Variants in INPP5B observed in about 807,000 individuals in gnomAD.
INPP5B encodes type II inositol 1,4,5-trisphosphate 5-phosphatase.
In INPP5B, 90 loss-of-function variants were observed where a neutral mutation model predicts 118.5. That is an observed-to-expected ratio of 0.76 (90% CI 0.64 to 0.90). INPP5B has a LOEUF of 0.90. Among genes scored for constraint, INPP5B ranks in the 40% least tolerant of loss-of-function variants. INPP5B has a pLI of 0.00. For synonymous variants in INPP5B, 385 were observed against 418.9 expected (o/e 0.92, Z 0.99); for missense variants, 984 against 1,125.6 (o/e 0.87, Z 1.80).
At chr1:37,904,624 T>G (rs1468594985) in intron 7 of INPP5B, among the ~76,000 whole-genome samples, 2 of 152,180 alleles carry the variant, frequency 1.3e-5, no homozygotes, top group Non-Finnish European at 2.9e-5. Flanking sequence ...ATGTCTGTAA[T>G]CCCAGCACTT....
At chr1:37,911,956 T>C (rs1644714963) in intron 7 of INPP5B, among the ~76,000 whole-genome samples, 1 of 152,212 alleles carries the variant, frequency 6.6e-6, no homozygotes. Flanking sequence ...TTCTCAGAAT[T>C]AGAGCCTGTC....
intron 12 of INPP5B, among the ~76,000 whole-genome samples, chr1:37,886,284 A>AG (rs1643532149): frequency 6.6e-6 from 1 of 151,464 alleles, no homozygotes; most frequent in Non-Finnish European, 1.5e-5. Flanking sequence ...AAAAAAAAAA[A>AG]GAAGGCAGAA....
intron 16 of INPP5B, among the ~76,000 whole-genome samples, chr1:37,877,103 A>C (rs1642883028): frequency 6.6e-6 from 1 of 151,894 alleles, no homozygotes. Flanking sequence ...GCGGTGGCTC[A>C]TGCCTGTAAT....
Position 37,886,822 on chromosome 1 carries a change from C to T in INPP5B, c.1131+66G>A, listed in dbSNP as rs916277175. 5.4e-6 allele frequency: 6 copies of T among 1,114,124 alleles called. No individual in the cohort carries two copies. In the African/African-American group the frequency reaches 7.7e-5, roughly 14 times the overall value. 69.0% of individuals were successfully genotyped at this position (1,114,124 alleles called of 1,614,324 possible). ...GGGACACGTGTAGTCACTGTGTCAT[C>T]AGAAGTGGTCAATACCTCAGGAGCT... On this transcript the variant is annotated intron_variant, in intron 12 of 23. Transcript: ENST00000373024.
intron 7 of INPP5B, among the ~76,000 whole-genome samples, chr1:37,912,927 G>T (rs1644747705): frequency 6.9e-6 from 1 of 144,630 alleles, no homozygotes; most frequent in South Asian, 2.2e-4. Context: ...TAAAATCACA[G>T]AGGCCTCGAC....
chr1:37,924,760 C>T (rs1354506644), intron 7 of INPP5B, among the ~76,000 whole-genome samples: 2 of 151,554 alleles, frequency 1.3e-5, no homozygotes, highest in South Asian at 2.1e-4. Context: ...AAAGAGGCTG[C>T]GCATGGTGGC....
chr1:37,896,670 A>C (rs1570165310), intron 7 of INPP5B, among the ~76,000 whole-genome samples: 2 of 100,074 alleles, frequency 2.0e-5, no homozygotes, highest in Non-Finnish European at 2.0e-5. Flanking sequence ...GGCCGCCCCT[A>C]CTGGGAAGTG....
chr1:37,937,720 T>C (rs1300228137), intron 6 of INPP5B, among the ~76,000 whole-genome samples: 2 of 151,234 alleles, frequency 1.3e-5, no homozygotes, highest in Non-Finnish European at 2.9e-5. Context: ...TAAGCTGAGA[T>C]TGCACCACTG....
chr1:37,864,927 C>CACTT (rs1396003956), intron 22 of INPP5B: 1 of 152,522 alleles, frequency 6.6e-6, no homozygotes, highest in African/African-American at 2.4e-5. Flanking sequence ...TGGCTCATGC[C>CACTT]TGTAATCCCA....
At chr1:37,874,260 T>C (rs1352877236) in intron 17 of INPP5B, 105 bp from the exon 18 acceptor site, 6 of 804,384 alleles carry the variant, frequency 7.5e-6, no homozygotes, top group African/African-American at 1.8e-5. Context: ...ATGAACCATC[T>C]CTTTTAAATG....
intron 20 of INPP5B, among the ~76,000 whole-genome samples, chr1:37,867,893 AAGG>A (rs1012317089): frequency 2.4e-4 from 36 of 152,214 alleles, no homozygotes; most frequent in Non-Finnish European, 4.3e-4. Context: ...AGAGTTCCTG[AAGG>A]AGAGCGATGA....
intron 15 of INPP5B, 113 bp downstream of exon 15, chr1:37,879,972 T>C (rs1269412805): frequency 4.3e-5 from 25 of 584,636 alleles, no homozygotes; most frequent in East Asian, 3.0e-4. Flanking sequence ...GTGCAAAACA[T>C]AGGGAAAAAG....
At chr1:37,900,875 G>A (rs981500322) in intron 7 of INPP5B, among the ~76,000 whole-genome samples, 7 of 151,222 alleles carry the variant, frequency 4.6e-5, no homozygotes, top group African/African-American at 1.2e-4. Flanking sequence ...ACAATGGCAC[G>A]ATCTCAACTC....
chr1:37,917,728 G>A (rs1204249005), intron 7 of INPP5B, among the ~76,000 whole-genome samples: 3 of 152,058 alleles, frequency 2.0e-5, no homozygotes, highest in Admixed American at 6.6e-5. Context: ...CCAGGAGTTC[G>A]AGACTAGCCT....
chr1:37,883,797 G>C (rs561638153), intron 13 of INPP5B: 1 of 985,382 alleles, frequency 1.0e-6, no homozygotes, highest in East Asian at 1.1e-4. Context: ...GTTCCACCTC[G>C]GCAGGCAGGA....
At chr1:37,943,929 G>A (rs374124025) in intron 3 of INPP5B, 36 bp from the exon 4 acceptor site, 22 of 1,477,272 alleles carry the variant, frequency 1.5e-5, no homozygotes, top group East Asian at 6.8e-5. Flanking sequence ...ATGGGGGCCC[G>A]CTGGCTGTCC....
chr1:37,926,660 C>T (rs1396749086), intron 7 of INPP5B, among the ~76,000 whole-genome samples: 1 of 152,150 alleles, frequency 6.6e-6, no homozygotes, highest in Non-Finnish European at 1.5e-5. Context: ...TAAAATAGCC[C>T]AGAATGGCCC....
intron 7 of INPP5B, among the ~76,000 whole-genome samples, chr1:37,897,971 A>C (rs1328745412): frequency 6.6e-6 from 1 of 152,232 alleles, no homozygotes; most frequent in East Asian, 1.9e-4. Context: ...TTTTGTACAC[A>C]TAAAAACCTG....
intron 7 of INPP5B, among the ~76,000 whole-genome samples, chr1:37,928,226 T>C (rs1645314385): frequency 6.6e-6 from 1 of 151,856 alleles, no homozygotes; most frequent in African/African-American, 2.4e-5. Flanking sequence ...CAGACTGGAG[T>C]GCAATGCCGC....
Sources: allele counts gnomAD v4.1 joint callset (sites outside exome capture counted in the v4.1 genomes callset), GRCh38; gene constraint gnomAD v4.1.1; transcripts MANE v1.5; gene names NCBI Gene and HGNC (gene_info 2026-07-23, HGNC 2026-07-21).